Variants in PHF21A observed in about 807,000 individuals in gnomAD.
PHF21A encodes BHC80a.
Under a neutral mutation model 82.5 loss-of-function variants are expected in PHF21A, and 11 were observed. The ratio of observed to expected loss-of-function variants is 0.13; its 90% CI spans 0.08 to 0.22. PHF21A has a LOEUF of 0.22. Among genes scored for constraint, PHF21A ranks in the 10% least tolerant of loss-of-function variants. The pLI is 1.00. For synonymous variants in PHF21A, 297 were observed against 302.8 expected (o/e 0.98, Z 0.20); for missense variants, 579 against 837.8 (o/e 0.69, Z 3.81).
intron 6 of PHF21A, among the ~76,000 whole-genome samples, chr11:46,074,468 G>GA (rs60558267): frequency 2.7e-5 from 4 of 150,220 alleles, no homozygotes; most frequent in African/African-American, 7.3e-5. Context: ...CGGGAGGGGG[G>GA]AAGGCATATA....
intron 4 of PHF21A, among the ~76,000 whole-genome samples, chr11:46,080,597 C>G (rs144012954): frequency 6.6e-6 from 1 of 152,304 alleles, no homozygotes; most frequent in East Asian, 1.9e-4. Context: ...GTTCTTAAAT[C>G]CACATTGTAG....
At chr11:46,053,602 TA>T (rs1280951080) in intron 6 of PHF21A, among the ~76,000 whole-genome samples, 2 of 152,084 alleles carry the variant, frequency 1.3e-5, no homozygotes. Context: ...GTTCTAACCT[TA>T]ATCAGTGTTT....
chr11:45,963,925 G>A (rs919018975), intron 10 of PHF21A, among the ~76,000 whole-genome samples: 5 of 152,052 alleles, frequency 3.3e-5, no homozygotes, highest in Admixed American at 6.5e-5. Context: ...TGGGCTGGGC[G>A]TGGTGGCTCA....
intron 6 of PHF21A, among the ~76,000 whole-genome samples, chr11:46,061,725 A>G (rs1177748831): frequency 2.0e-5 from 3 of 152,178 alleles, no homozygotes; most frequent in Non-Finnish European, 4.4e-5. Flanking sequence ...AACCTGTTGT[A>G]CATCAATTAT....
At chr11:46,101,302 AT>A (rs1211553816) in intron 1 of PHF21A, among the ~76,000 whole-genome samples, 1 of 152,348 alleles carries the variant, frequency 6.6e-6, no homozygotes, top group Non-Finnish European at 1.5e-5. Flanking sequence ...GATTACCAGT[AT>A]TAAACTAACA....
At chr11:46,094,113 T>C (rs1041696670) in intron 1 of PHF21A, among the ~76,000 whole-genome samples, 1 of 152,138 alleles carries the variant, frequency 6.6e-6, no homozygotes, top group African/African-American at 2.4e-5. Flanking sequence ...GTGATGAGGA[T>C]GGGACTGGGA....
chr11:45,991,283 T>C (rs1451425122), intron 6 of PHF21A, among the ~76,000 whole-genome samples: 2 of 152,204 alleles, frequency 1.3e-5, no homozygotes, highest in Non-Finnish European at 2.9e-5. Context: ...ATTTTTTCCA[T>C]ATGGTCTAAT....
At chr11:46,038,014 A>G (rs942313638) in intron 6 of PHF21A, among the ~76,000 whole-genome samples, 2 of 152,028 alleles carry the variant, frequency 1.3e-5, no homozygotes, top group African/African-American at 4.8e-5. Flanking sequence ...TTGCTTTATT[A>G]TAGAATTTCT....
intron 15 of PHF21A, among the ~76,000 whole-genome samples, chr11:45,945,375 GAGTTTCTGCTCAAC>G (rs1243680139): frequency 2.6e-5 from 4 of 152,184 alleles, no homozygotes; most frequent in African/African-American, 9.7e-5. Context: ...CTAAAGAGCA[GAGTTTCTGCTCAAC>G]AGTTTCTGAT....
chr11:46,114,654 T>G (rs1038804809), intron 1 of PHF21A, among the ~76,000 whole-genome samples: 5 of 152,150 alleles, frequency 3.3e-5, no homozygotes, highest in African/African-American at 1.2e-4. Context: ...ACCCCAAAGT[T>G]TTGGGTACTT....
intron 6 of PHF21A, among the ~76,000 whole-genome samples, chr11:46,015,090 G>A (rs574896703): frequency 6.6e-6 from 1 of 152,188 alleles, no homozygotes; most frequent in Admixed American, 6.5e-5. Context: ...GCATTTCTTT[G>A]ATGATTAGCA....
intron 6 of PHF21A, among the ~76,000 whole-genome samples, chr11:46,058,526 G>C (rs1411517579): frequency 2.0e-5 from 3 of 152,120 alleles, no homozygotes; most frequent in Non-Finnish European, 4.4e-5. Context: ...ATGAATTGAG[G>C]TTTAAAACTT....
intron 6 of PHF21A, among the ~76,000 whole-genome samples, chr11:46,052,051 T>C (rs1320869522): frequency 1.3e-5 from 2 of 152,210 alleles, no homozygotes; most frequent in Admixed American, 6.5e-5. Context: ...AAGGTTGAGA[T>C]GATCCAGGAG....
intron 10 of PHF21A, among the ~76,000 whole-genome samples, chr11:45,958,449 T>TATATACAC (rs780397923): frequency 5.3e-4 from 8 of 15,070 alleles, no homozygotes; most frequent in Admixed American, 1.5e-3. Flanking sequence ...TATATATATA[T>TATATACAC]ACACACACAC....
At chr11:45,999,360 G>A (rs1359104686) in intron 6 of PHF21A, among the ~76,000 whole-genome samples, 1 of 152,164 alleles carries the variant, frequency 6.6e-6, no homozygotes, top group Admixed American at 6.5e-5. Flanking sequence ...TTGCAGAAAT[G>A]GAGTAAGGCA....
At chr11:45,978,073 G>A (rs924267928) in intron 7 of PHF21A, among the ~76,000 whole-genome samples, 1 of 151,958 alleles carries the variant, frequency 6.6e-6, no homozygotes, top group Non-Finnish European at 1.5e-5. Context: ...AGGCCGAGGC[G>A]GGCAGACCAC....
intron 6 of PHF21A, among the ~76,000 whole-genome samples, chr11:46,070,411 G>A (rs1344718751): frequency 6.6e-6 from 1 of 151,872 alleles, no homozygotes; most frequent in African/African-American, 2.4e-5. Context: ...GCTCCCTGCA[G>A]CCTCTGCCTC....
intron 1 of PHF21A, among the ~76,000 whole-genome samples, chr11:46,114,330 G>A (rs1395057158): frequency 6.6e-6 from 1 of 152,178 alleles, no homozygotes; most frequent in African/African-American, 2.4e-5. Flanking sequence ...AAGGAGGCTG[G>A]GAAAGAACTA....
chr11:46,102,985 G>C (rs1056611814), intron 1 of PHF21A, among the ~76,000 whole-genome samples: 3 of 152,192 alleles, frequency 2.0e-5, no homozygotes, highest in African/African-American at 7.2e-5. Flanking sequence ...AAGAGGGTAA[G>C]CAGAGAAGCA....
Sources: gnomAD v4.1 joint callset for allele counts (sites outside exome capture counted in the v4.1 genomes callset) on GRCh38, gnomAD v4.1.1 for gene constraint, MANE v1.5 for transcripts, NCBI Gene and HGNC (gene_info 2026-07-23, HGNC 2026-07-21) for gene names.